The following MAST4 variants were observed in gnomAD, a reference collection of about 807,000 sequenced individuals.
MAST4 encodes the protein microtubule-associated serine/threonine-protein kinase 4.
Under a neutral mutation model 162.7 loss-of-function variants are expected in MAST4, and 89 were observed. The ratio of observed to expected loss-of-function variants is 0.55; its 90% CI spans 0.46 to 0.65. MAST4 has a LOEUF of 0.65. Ranked by LOEUF, MAST4 falls within the 30% of genes least tolerant of loss-of-function variation. MAST4 has a pLI of 0.00. For synonymous variants in MAST4, 1,479 were observed against 1,361.1 expected (o/e 1.09, Z -1.91); for missense variants, 3,153 against 3,374.0 (o/e 0.93, Z 1.62).
At chr5:66,758,468 G>GT (rs1561311091) in intron 1 of MAST4, among the ~76,000 whole-genome samples, 1 of 151,440 alleles carries the variant, frequency 6.6e-6, no homozygotes, top group East Asian at 1.9e-4. Context: ...TCATGCTGGA[G>GT]TGCAGTGCTG....
chr5:67,139,021 C>A (rs188497297), intron 19 of MAST4, among the ~76,000 whole-genome samples: 1 of 152,158 alleles, frequency 6.6e-6, no homozygotes, highest in African/African-American at 2.4e-5. Flanking sequence ...TTGTTGATTG[C>A]TACTTTCAGT....
At chr5:67,062,942 T>C (rs973774565) in intron 5 of MAST4, among the ~76,000 whole-genome samples, 10 of 152,200 alleles carry the variant, frequency 6.6e-5, no homozygotes, top group African/African-American at 2.4e-4. Context: ...GGCTAAACTT[T>C]ATCCAGGTGA....
At chr5:66,751,545 C>A (rs554815190) in intron 1 of MAST4, among the ~76,000 whole-genome samples, 1 of 151,638 alleles carries the variant, frequency 6.6e-6, no homozygotes, top group Admixed American at 6.6e-5. Context: ...AGGGTGTCAG[C>A]GATGGAAGAT....
At chr5:67,041,171 G>C (rs139739445) in intron 4 of MAST4, among the ~76,000 whole-genome samples, 76 of 152,274 alleles carry the variant, frequency 5.0e-4, no homozygotes, top group Middle Eastern at 3.4e-3. Context: ...TGATGTGCAC[G>C]GTTTTGACAG....
At chr5:66,848,929 T>C (rs1032882018) in intron 3 of MAST4, among the ~76,000 whole-genome samples, 6 of 152,144 alleles carry the variant, frequency 3.9e-5, no homozygotes, top group Admixed American at 3.9e-4. Context: ...GTGGAGAGGA[T>C]TGCCTTTTAT....
intron 4 of MAST4, among the ~76,000 whole-genome samples, chr5:66,937,522 T>A (rs544587697): frequency 6.6e-6 from 1 of 152,308 alleles, no homozygotes; most frequent in South Asian, 2.1e-4. Flanking sequence ...GTAATCCTCC[T>A]CTCCTCACAG....
At chr5:67,095,318 G>T (rs370825573) in intron 6 of MAST4, among the ~76,000 whole-genome samples, 1 of 152,098 alleles carries the variant, frequency 6.6e-6, no homozygotes, top group Non-Finnish European at 1.5e-5. Flanking sequence ...TCTGACCATT[G>T]TAATTATCCC....
intron 1 of MAST4, among the ~76,000 whole-genome samples, chr5:66,671,375 G>A (rs1416502550): frequency 1.3e-5 from 2 of 152,180 alleles, no homozygotes; most frequent in Admixed American, 6.5e-5. Flanking sequence ...GGGTACAAGA[G>A]TGAAGGGTAA....
intron 1 of MAST4, among the ~76,000 whole-genome samples, chr5:66,719,819 A>G (rs186093457): frequency 1.3e-5 from 2 of 151,980 alleles, no homozygotes; most frequent in East Asian, 1.9e-4. Context: ...TTTTTTCCTT[A>G]AAGTATTTGT....
chr5:67,133,130 A>G (rs1769195275), intron 16 of MAST4, among the ~76,000 whole-genome samples: 2 of 151,966 alleles, frequency 1.3e-5, no homozygotes, highest in African/African-American at 4.8e-5. Context: ...TTTATGCCTC[A>G]TTTGAATCAC....
At chr5:67,063,988 T>A (rs1232551379) in intron 5 of MAST4, among the ~76,000 whole-genome samples, 1 of 152,166 alleles carries the variant, frequency 6.6e-6, no homozygotes, top group East Asian at 1.9e-4. Flanking sequence ...CTTTGCTGCA[T>A]ATTGGGCCAA....
Position 66,644,710 on chromosome 5 carries a change from T to G in MAST4, c.363+47692T>G, listed in dbSNP as rs114532753. On this transcript the variant is annotated intron_variant, in intron 1 of 28. Coordinates refer to ENST00000403625, the MANE Select transcript of MAST4 (RefSeq NM_001164664.2). ...ACCATGAGGGCACAGTTCTGATGAG[T>G]TATGATTCTTTGTTTTGGACAGCTA... Among the ~76,000 whole-genome samples, 98 of 151,972 alleles carry G rather than the reference T, an allele frequency of 6.4e-4. 1 individual carries two copies. The highest frequency in any genetic ancestry group is 2.3e-3 in the African/African-American group (95 of 41,464).
At chr5:66,741,377 A>C (rs1269216608) in intron 1 of MAST4, among the ~76,000 whole-genome samples, 1 of 152,208 alleles carries the variant, frequency 6.6e-6, no homozygotes, top group Non-Finnish European at 1.5e-5. Flanking sequence ...GTAGATGCTC[A>C]GTGAATTTAT....
At chr5:66,990,979 C>G (rs1750011338) in intron 4 of MAST4, among the ~76,000 whole-genome samples, 1 of 152,158 alleles carries the variant, frequency 6.6e-6, no homozygotes, top group Non-Finnish European at 1.5e-5. Context: ...GTGAAAGCTT[C>G]TCAAAAATAA....
At chr5:66,844,321 T>A (rs1418020039) in intron 3 of MAST4, among the ~76,000 whole-genome samples, 1 of 152,098 alleles carries the variant, frequency 6.6e-6, no homozygotes, top group African/African-American at 2.4e-5. Flanking sequence ...ACATTTATGT[T>A]CTTTTCATCA....
At chr5:66,870,786 G>A (rs36138) in intron 3 of MAST4, 41,758 of 471,304 alleles carry the variant, frequency 0.089, 2,147 homozygotes, top group Middle Eastern at 0.11. Flanking sequence ...AGGAAGGGCA[G>A]CCTCCGAAGA....
Position 67,118,677 on chromosome 5 carries a change from C to A in MAST4, c.1592-5C>A. 2.6e-6 allele frequency: 4 copies of A among 1,534,732 alleles called. No individual in the cohort carries two copies. The highest frequency in any genetic ancestry group is 3.5e-6 in the Non-Finnish European group (4 of 1,130,796). On this transcript the variant is annotated splice_polypyrimidine_tract_variant and splice_region_variant and intron_variant, in intron 12 of 28. Transcript: ENST00000403625. ...TAAGCTTAACTTTTTTTTTTTCCAA[C>A]TTAGAAATGGCTCATTTGGGAAACT...
chr5:66,920,649 CCTGA>C (rs754373537), intron 4 of MAST4, among the ~76,000 whole-genome samples: 16 of 152,032 alleles, frequency 1.1e-4, no homozygotes, highest in Non-Finnish European at 2.2e-4. Flanking sequence ...CGCCACCATG[CCTGA>C]CTAAGTTTTG....
intron 21 of MAST4, 183 bp downstream of exon 21, chr5:67,142,716 C>T (rs915127544): frequency 1.4e-5 from 7 of 497,224 alleles, no homozygotes; most frequent in African/African-American, 9.8e-5. Context: ...TCCCCTAGGC[C>T]TTTAGACTGC....
Sources: allele counts gnomAD v4.1 joint callset (sites outside exome capture counted in the v4.1 genomes callset), GRCh38; gene constraint gnomAD v4.1.1; transcripts MANE v1.5; gene names NCBI Gene and HGNC (gene_info 2026-07-23, HGNC 2026-07-21).